The following CRPPA variants were observed in gnomAD, a reference collection of about 807,000 sequenced individuals.
The protein encoded by CRPPA is CDP-L-ribitol pyrophosphorylase A.
In CRPPA, 43 loss-of-function variants were observed where a neutral mutation model predicts 52.0. That is an observed-to-expected ratio of 0.83 (90% CI 0.65 to 1.07). The LOEUF is 1.07. CRPPA is among the 50% of genes least tolerant of loss of function. The probability of loss-of-function intolerance (pLI) is 0.00; values close to 1 mark genes in which losing one functional copy is unlikely to be tolerated. For synonymous variants in CRPPA, 250 were observed against 203.5 expected (o/e 1.23, Z -1.94); for missense variants, 629 against 551.7 (o/e 1.14, Z -1.40).
At chr7:16,219,680 C>T (rs1469138270) in intron 8 of CRPPA, among the ~76,000 whole-genome samples, 1 of 114,808 alleles carries the variant, frequency 8.7e-6, no homozygotes, top group Non-Finnish European at 1.9e-5. Flanking sequence ...CGCAAATAAA[C>T]TAGAAAATCT....
intron 8 of CRPPA, among the ~76,000 whole-genome samples, chr7:16,252,118 A>T (rs1455759950): frequency 6.6e-6 from 1 of 152,178 alleles, no homozygotes; most frequent in African/African-American, 2.4e-5. Context: ...ATTTTAAGCC[A>T]ATATCCCTGT....
intron 9 of CRPPA, among the ~76,000 whole-genome samples, chr7:16,181,597 G>T (rs1003890907): frequency 6.6e-6 from 1 of 151,850 alleles, no homozygotes; most frequent in African/African-American, 2.4e-5. Flanking sequence ...TATTTTCATT[G>T]CTATAATCCT....
intron 9 of CRPPA, among the ~76,000 whole-genome samples, chr7:16,149,885 C>T (rs1783043346): frequency 6.6e-6 from 1 of 151,654 alleles, no homozygotes; most frequent in Non-Finnish European, 1.5e-5. Flanking sequence ...ACTCGGGAGG[C>T]TGAGGCAGGA....
intron 8 of CRPPA, among the ~76,000 whole-genome samples, chr7:16,228,936 T>G (rs1429990994): frequency 6.6e-6 from 1 of 152,054 alleles, no homozygotes; most frequent in Non-Finnish European, 1.5e-5. Flanking sequence ...TTCTCTCCCT[T>G]CAGATCTATT....
At chr7:16,370,561 A>T (rs1052208645) in intron 3 of CRPPA, among the ~76,000 whole-genome samples, 1 of 152,168 alleles carries the variant, frequency 6.6e-6, no homozygotes, top group Non-Finnish European at 1.5e-5. Flanking sequence ...TCCTAGGGAA[A>T]GGGAGAGGGC....
At chr7:16,232,493 T>C (rs1328404499) in intron 8 of CRPPA, among the ~76,000 whole-genome samples, 1 of 152,166 alleles carries the variant, frequency 6.6e-6, no homozygotes, top group Non-Finnish European at 1.5e-5. Flanking sequence ...AGTAGCATGC[T>C]CTTGGACTTG....
At chr7:16,180,335 T>A (rs10279447) in intron 9 of CRPPA, among the ~76,000 whole-genome samples, 5,260 of 152,184 alleles carry the variant, frequency 0.035, 298 homozygotes, top group African/African-American at 0.12. Flanking sequence ...AAATATATAC[T>A]ACACTATATT....
At chr7:16,253,911 T>C (rs780078367) in intron 8 of CRPPA, among the ~76,000 whole-genome samples, 11 of 151,566 alleles carry the variant, frequency 7.3e-5, no homozygotes, top group Non-Finnish European at 1.3e-4. Flanking sequence ...AACAACCCCA[T>C]CAAAAAGTGG....
At chr7:16,131,190 C>T (rs1782674184) in intron 9 of CRPPA, among the ~76,000 whole-genome samples, 1 of 152,120 alleles carries the variant, frequency 6.6e-6, no homozygotes, top group African/African-American at 2.4e-5. Flanking sequence ...GTGGAAGAGA[C>T]TTTGAAACTG....
intron 9 of CRPPA, among the ~76,000 whole-genome samples, chr7:16,212,047 T>C (rs1320350578): frequency 1.3e-5 from 2 of 152,176 alleles, no homozygotes; most frequent in African/African-American, 4.8e-5. Flanking sequence ...ACAAATCTTT[T>C]ACAAATTTTT....
In CRPPA at chr7:16,169,667, CTG is replaced by C. The variant is rs374861800; in HGVS notation, c.1251+46397_1251+46398del. 5.9e-4 allele frequency among the ~76,000 whole-genome samples: 90 copies of C among 152,314 alleles called. No homozygotes were observed. In the East Asian group the frequency reaches 0.014, roughly 23 times the overall value. The stretch of plus-strand genomic sequence containing the variant: ...GCGTGAGTCTGTTGCCCAGGAATAA[CTG>C]TACTTGAAATGAAGTTCTTTTTGTG... On this transcript the variant is annotated intron_variant, in intron 9 of 9. Coordinates refer to ENST00000407010, the MANE Select transcript of CRPPA (RefSeq NM_001101426.4).
intron 9 of CRPPA, chr7:16,209,291 G>C: frequency 1.7e-5 from 1 of 59,834 alleles, no homozygotes; most frequent in South Asian, 1.5e-4. Flanking sequence ...TTTTTTTTTT[G>C]AGACGAGTCT....
chr7:16,200,166 A>G (rs1781819621), intron 9 of CRPPA, among the ~76,000 whole-genome samples: 3 of 152,156 alleles, frequency 2.0e-5, no homozygotes, highest in South Asian at 2.1e-4. Flanking sequence ...CCAGATCTGT[A>G]GACTTCTAAA....
intron 3 of CRPPA, among the ~76,000 whole-genome samples, chr7:16,318,681 C>T (rs1785197256): frequency 6.6e-6 from 1 of 152,066 alleles, no homozygotes; most frequent in African/African-American, 2.4e-5. Context: ...CAGACCATGC[C>T]TTCCTTAAGG....
chr7:16,229,400 T>G (rs1007816215), intron 8 of CRPPA, among the ~76,000 whole-genome samples: 1 of 152,062 alleles, frequency 6.6e-6, no homozygotes, highest in Non-Finnish European at 1.5e-5. Flanking sequence ...TTTTTTAGTG[T>G]TATGTTTTTA....
intron 9 of CRPPA, among the ~76,000 whole-genome samples, chr7:16,171,777 G>C (rs1047464924): frequency 6.6e-6 from 1 of 152,076 alleles, no homozygotes; most frequent in Admixed American, 6.6e-5. Flanking sequence ...GGGCAACAGA[G>C]TGAGACTCTG....
At chr7:16,332,559 C>T (rs1300702209) in intron 3 of CRPPA, among the ~76,000 whole-genome samples, 1 of 152,044 alleles carries the variant, frequency 6.6e-6, no homozygotes, top group Non-Finnish European at 1.5e-5. Context: ...AAAGTACTCA[C>T]ATTATTATAG....
At chr7:16,339,422 C>G (rs1785767452) in intron 3 of CRPPA, among the ~76,000 whole-genome samples, 1 of 151,876 alleles carries the variant, frequency 6.6e-6, no homozygotes, top group Non-Finnish European at 1.5e-5. Flanking sequence ...CCTGTAATAA[C>G]AATAAGCTGA....
intron 2 of CRPPA, among the ~76,000 whole-genome samples, chr7:16,388,026 C>G (rs925281057): frequency 6.6e-6 from 1 of 152,156 alleles, no homozygotes; most frequent in Non-Finnish European, 1.5e-5. Flanking sequence ...TCTGTCCCCC[C>G]AGGCTGGAGT....
Sources: gnomAD v4.1 joint callset for allele counts (sites outside exome capture counted in the v4.1 genomes callset) on GRCh38, gnomAD v4.1.1 for gene constraint, MANE v1.5 for transcripts, NCBI Gene and HGNC (gene_info 2026-07-23, HGNC 2026-07-21) for gene names.